ENTREP2: variants seen among roughly 807,000 people sequenced by gnomAD.
ENTREP2 encodes protein ENTREP2.
At chr15:29,329,487 G>A in the ENTREP2 span, among the ~76,000 whole-genome samples, 98 of 152,294 alleles carry the variant, frequency 6.4e-4, 1 homozygote, top group East Asian at 0.016. Flanking sequence ...AGGAACCAAT[G>A]TATTTCCTTG....
chr15:29,141,121 C>T, the ENTREP2 span, among the ~76,000 whole-genome samples: 3 of 152,234 alleles, frequency 2.0e-5, no homozygotes, highest in Non-Finnish European at 4.4e-5. Flanking sequence ...GCTACCTGGC[C>T]TTGGGCAGCT....
the ENTREP2 span, among the ~76,000 whole-genome samples, chr15:29,127,537 C>T: frequency 4.7e-4 from 71 of 152,322 alleles, no homozygotes; most frequent in African/African-American, 1.5e-3. Context: ...CCCCACCCTA[C>T]AGCTGCAGAA....
chr15:29,598,676 T>TAAA, the ENTREP2 span, among the ~76,000 whole-genome samples: 1 of 145,594 alleles, frequency 6.9e-6, no homozygotes, highest in Non-Finnish European at 1.5e-5. Context: ...TGAAGTGACC[T>TAAA]AAAATCTTTT....
At chr15:29,390,115 G>A in the ENTREP2 span, among the ~76,000 whole-genome samples, 2 of 152,212 alleles carry the variant, frequency 1.3e-5, no homozygotes, top group African/African-American at 4.8e-5. Context: ...GAGACCAAGG[G>A]CGGTTGATGT....
At chr15:29,668,931 C>T in the ENTREP2 span, among the ~76,000 whole-genome samples, 14 of 152,340 alleles carry the variant, frequency 9.2e-5, no homozygotes, top group African/African-American at 3.4e-4. Context: ...TACCGCAGAC[C>T]GTGGTGTGTT....
the ENTREP2 span, among the ~76,000 whole-genome samples, chr15:29,243,338 A>G: frequency 7.2e-5 from 11 of 152,348 alleles, no homozygotes; most frequent in Middle Eastern, 6.8e-3. Flanking sequence ...AATTAACAGT[A>G]AAAGGAAAGC....
At chr15:29,410,987 T>C in the ENTREP2 span, among the ~76,000 whole-genome samples, 1 of 152,184 alleles carries the variant, frequency 6.6e-6, no homozygotes, top group Non-Finnish European at 1.5e-5. Flanking sequence ...GGTTTCACCA[T>C]GTTGGTCAGG....
chr15:29,621,638 G>A, the ENTREP2 span, among the ~76,000 whole-genome samples: 1 of 147,176 alleles, frequency 6.8e-6, no homozygotes, highest in Non-Finnish European at 1.5e-5. Flanking sequence ...TGAGGATGTG[G>A]AAAAATCGGA....
the ENTREP2 span, among the ~76,000 whole-genome samples, chr15:29,650,903 C>G: frequency 6.6e-6 from 1 of 152,116 alleles, no homozygotes; most frequent in Non-Finnish European, 1.5e-5. Flanking sequence ...GTAGTCCTAA[C>G]TACTTGGGAG....
chr15:29,606,783 G>A, the ENTREP2 span, among the ~76,000 whole-genome samples: 2 of 151,748 alleles, frequency 1.3e-5, no homozygotes, highest in African/African-American at 4.8e-5. Context: ...CTTGACAGCA[G>A]TCATCCTGGG....
the ENTREP2 span, among the ~76,000 whole-genome samples, chr15:29,275,887 C>T: frequency 6.6e-6 from 1 of 152,156 alleles, no homozygotes; most frequent in Non-Finnish European, 1.5e-5. Context: ...TCTGCCTTTT[C>T]CAGTGGAAGA....
chr15:29,454,257 T>C, the ENTREP2 span, among the ~76,000 whole-genome samples: 1 of 152,176 alleles, frequency 6.6e-6, no homozygotes, highest in Non-Finnish European at 1.5e-5. Context: ...CCAACTAGAG[T>C]CCACTGCAGA....
At chr15:29,647,535 T>A in the ENTREP2 span, among the ~76,000 whole-genome samples, 1 of 152,200 alleles carries the variant, frequency 6.6e-6, no homozygotes, top group Non-Finnish European at 1.5e-5. Context: ...AAATGTACTG[T>A]GAGAGACCTT....
chr15:29,600,637 T>C, the ENTREP2 span, among the ~76,000 whole-genome samples: 2 of 152,148 alleles, frequency 1.3e-5, no homozygotes, highest in African/African-American at 4.8e-5. Context: ...TGACCTATAA[T>C]TTATTTGATT....
At chr15:29,323,814 G>A in the ENTREP2 span, among the ~76,000 whole-genome samples, 4 of 152,126 alleles carry the variant, frequency 2.6e-5, no homozygotes, top group Non-Finnish European at 5.9e-5. Flanking sequence ...GTTGATTATC[G>A]TTGTGCTGTG....
chr15:29,141,781 C>A, the ENTREP2 span, among the ~76,000 whole-genome samples: 4 of 152,228 alleles, frequency 2.6e-5, no homozygotes, highest in Admixed American at 6.5e-5. Context: ...GCTGAATCAA[C>A]TTCCTCCTGG....
the ENTREP2 span, among the ~76,000 whole-genome samples, chr15:29,283,761 A>G: frequency 6.6e-6 from 1 of 152,350 alleles, no homozygotes; most frequent in East Asian, 1.9e-4. Context: ...ATGAGAATTC[A>G]TAAGGAGATA....
chr15:29,518,269 A>T, the ENTREP2 span, among the ~76,000 whole-genome samples: 16 of 152,268 alleles, frequency 1.1e-4, no homozygotes, highest in African/African-American at 3.9e-4. Context: ...ACAACACAGC[A>T]TTCTCAACTA....
At chr15:29,158,275 A>C in the ENTREP2 span, among the ~76,000 whole-genome samples, 1 of 152,238 alleles carries the variant, frequency 6.6e-6, no homozygotes, top group South Asian at 2.1e-4. Flanking sequence ...TTTGAAATAC[A>C]TGCCAGAAAG....
Sources: gnomAD v4.1 joint callset for allele counts (sites outside exome capture counted in the v4.1 genomes callset) on GRCh38, gnomAD v4.1.1 for gene constraint, MANE v1.5 for transcripts, NCBI Gene and HGNC (gene_info 2026-07-23, HGNC 2026-07-21) for gene names.